Variants in TARP observed in about 807,000 individuals in gnomAD.
chr7:38,272,884 C>A, the TARP span, among the ~76,000 whole-genome samples: 1 of 150,930 alleles, frequency 6.6e-6, no homozygotes, highest in Non-Finnish European at 1.5e-5. Context: ...CTTATAAGTT[C>A]ATTTTATCAT....
chr7:38,270,220 A>T, the TARP span, among the ~76,000 whole-genome samples: 2 of 151,982 alleles, frequency 1.3e-5, no homozygotes, highest in African/African-American at 4.8e-5. Flanking sequence ...TATAGGACCA[A>T]GCATTGCCCT....
At chr7:38,273,335 A>C in the TARP span, among the ~76,000 whole-genome samples, 1 of 151,050 alleles carries the variant, frequency 6.6e-6, no homozygotes, top group African/African-American at 2.4e-5. Flanking sequence ...AACTTTCAAC[A>C]GAGAGATACC....
At chr7:38,271,610 G>C in the TARP span, among the ~76,000 whole-genome samples, 1 of 151,266 alleles carries the variant, frequency 6.6e-6, no homozygotes, top group African/African-American at 2.4e-5. Flanking sequence ...TAATGTCTCT[G>C]TAGTTTTTAC....
chr7:38,270,576 G>C, the TARP span, among the ~76,000 whole-genome samples: 62,041 of 150,072 alleles, frequency 0.41, 13,356 homozygotes, highest in African/African-American at 0.57. Flanking sequence ...ACTTCAGCCT[G>C]AAACTGACTT....
At chr7:38,265,298 G>A in the TARP span, 2 of 1,345,230 alleles carry the variant, frequency 1.5e-6, no homozygotes, top group African/African-American at 1.5e-5. Flanking sequence ...AAAAAATGCA[G>A]CATTCACTTT....
chr7:38,261,676 A>G, the TARP span, among the ~76,000 whole-genome samples: 1 of 151,278 alleles, frequency 6.6e-6, no homozygotes, highest in Non-Finnish European at 1.5e-5. Flanking sequence ...ATTCGAGGCC[A>G]TCCTGGCCAA....
At chr7:38,272,923 T>C in the TARP span, among the ~76,000 whole-genome samples, 1 of 151,436 alleles carries the variant, frequency 6.6e-6, no homozygotes, top group African/African-American at 2.4e-5. Context: ...GAATTAAAAA[T>C]GTAAAACTGC....
chr7:38,263,965 T>C, the TARP span, among the ~76,000 whole-genome samples: 1 of 152,122 alleles, frequency 6.6e-6, no homozygotes, highest in South Asian at 2.1e-4. Flanking sequence ...GGTGACTTCA[T>C]TTATTAAAAG....
At chr7:38,270,086 G>A in the TARP span, among the ~76,000 whole-genome samples, 1 of 151,882 alleles carries the variant, frequency 6.6e-6, no homozygotes, top group Non-Finnish European at 1.5e-5. Flanking sequence ...TGGGCAACAG[G>A]GGAAGACCCT....
chr7:38,273,229 G>A, the TARP span, among the ~76,000 whole-genome samples: 1 of 136,734 alleles, frequency 7.3e-6, no homozygotes, highest in Non-Finnish European at 1.5e-5. Flanking sequence ...ACCAAATAAG[G>A]AGGGTAGCTG....
At chr7:38,273,509 A>C in the TARP span, 1 of 1,142,990 alleles carries the variant, frequency 8.7e-7, no homozygotes, top group Non-Finnish European at 1.3e-6. Context: ...CAAGGAGGGA[A>C]TCCTAGAATT....
the TARP span, chr7:38,265,255 G>A: frequency 1.3e-4 from 124 of 937,338 alleles, no homozygotes; most frequent in East Asian, 1.4e-3. Context: ...ATTTAAGAAA[G>A]ATTTATGTTT....
the TARP span, among the ~76,000 whole-genome samples, chr7:38,267,863 G>T: frequency 1.3e-5 from 2 of 150,608 alleles, no homozygotes; most frequent in South Asian, 2.1e-4. Flanking sequence ...CTAATTCATT[G>T]TACTAAAGAA....
the TARP span, chr7:38,262,278 A>G: frequency 1.5e-4 from 199 of 1,310,264 alleles, no homozygotes; most frequent in Non-Finnish European, 2.1e-4. Context: ...AATTAAATGA[A>G]TATTTATAAA....
chr7:38,269,528 C>A, the TARP span: 3 of 707,328 alleles, frequency 4.2e-6, no homozygotes, highest in Non-Finnish European at 5.1e-6. Context: ...CAAAGAGTTT[C>A]TTATAATAAT....
the TARP span, chr7:38,265,418 A>C: frequency 2.5e-6 from 4 of 1,612,344 alleles, no homozygotes; most frequent in Non-Finnish European, 3.4e-6. Flanking sequence ...CTGACGATAC[A>C]TCTGTGTTCT....
the TARP span, chr7:38,262,291 C>G: frequency 8.5e-7 from 1 of 1,173,686 alleles, no homozygotes; most frequent in Non-Finnish European, 1.3e-6. Flanking sequence ...TTTATAAAAC[C>G]TGTCGACAGA....
chr7:38,264,176 T>C, the TARP span, among the ~76,000 whole-genome samples: 14 of 152,066 alleles, frequency 9.2e-5, no homozygotes, highest in South Asian at 2.9e-3. Context: ...CACTTCCATG[T>C]TATATTTTTA....
At chr7:38,267,215 A>G in the TARP span, among the ~76,000 whole-genome samples, 1 of 151,754 alleles carries the variant, frequency 6.6e-6, no homozygotes, top group Non-Finnish European at 1.5e-5. Flanking sequence ...TAAAATGTAC[A>G]TATAATTGCT....
Sources: gnomAD v4.1 joint callset for allele counts (sites outside exome capture counted in the v4.1 genomes callset) on GRCh38, gnomAD v4.1.1 for gene constraint, MANE v1.5 for transcripts.